The following DCC variants were observed in gnomAD, a reference collection of about 807,000 sequenced individuals.
DCC encodes netrin receptor DCC.
Under a neutral mutation model 172.5 loss-of-function variants are expected in DCC, and 58 were observed. That is an observed-to-expected ratio of 0.34 (90% CI 0.27 to 0.42). DCC has a LOEUF of 0.42. Ranked by LOEUF, DCC falls within the 10% of genes least tolerant of loss-of-function variation. The pLI is 1.00. For synonymous variants in DCC, 709 were observed against 644.5 expected, an observed-to-expected ratio of 1.10 and a Z score of -1.52; for missense variants, 1,740 against 1,791.0, an observed-to-expected ratio of 0.97 and a Z score of 0.51.
chr18:53,380,744 T>C (rs1457630274), intron 15 of DCC, among the ~76,000 whole-genome samples: 1 of 152,160 alleles, frequency 6.6e-6, no homozygotes, highest in Admixed American at 6.5e-5. Context: ...AGTTACTAAC[T>C]GACGATAGGA....
At chr18:53,084,456 T>C (rs2042850650) in intron 7 of DCC, among the ~76,000 whole-genome samples, 1 of 152,190 alleles carries the variant, frequency 6.6e-6, no homozygotes, top group Admixed American at 6.5e-5. Context: ...ACCTATACTT[T>C]TTTATTTTTT....
chr18:52,846,057 G>A (rs2038883191), intron 2 of DCC, among the ~76,000 whole-genome samples: 1 of 152,172 alleles, frequency 6.6e-6, no homozygotes, highest in African/African-American at 2.4e-5. Flanking sequence ...ATGGTAAATG[G>A]CATAGTTAAC....
chr18:53,506,746 T>TACTC (rs2046182459), intron 27 of DCC, among the ~76,000 whole-genome samples: 1 of 151,516 alleles, frequency 6.6e-6, no homozygotes, highest in Non-Finnish European at 1.5e-5. Flanking sequence ...TAATCCCAGA[T>TACTC]ACTCAGGAGG....
chr18:52,767,246 G>C (rs1463136087), intron 2 of DCC, among the ~76,000 whole-genome samples: 1 of 152,050 alleles, frequency 6.6e-6, no homozygotes, highest in Non-Finnish European at 1.5e-5. Context: ...AATACTCAGG[G>C]TTCATGATTT....
At chr18:52,530,536 A>G (rs2144683168) in intron 1 of DCC, among the ~76,000 whole-genome samples, 1 of 152,330 alleles carries the variant, frequency 6.6e-6, no homozygotes, top group South Asian at 2.1e-4. Context: ...TGCACATAAA[A>G]CATACTTAGT....
At chr18:52,585,951 C>CAA (rs1806277277) in intron 1 of DCC, among the ~76,000 whole-genome samples, 4 of 151,762 alleles carry the variant, frequency 2.6e-5, no homozygotes, top group Admixed American at 2.6e-4. Context: ...GGAGTCTTGG[C>CAA]GGGCCCCTGT....
intron 7 of DCC, among the ~76,000 whole-genome samples, chr18:53,078,504 A>T (rs1017465039): frequency 6.6e-6 from 1 of 152,272 alleles, no homozygotes; most frequent in East Asian, 1.9e-4. Flanking sequence ...TTTGCCACAC[A>T]GAATGACAAA....
chr18:53,127,596 G>A (rs1007074200), intron 7 of DCC, among the ~76,000 whole-genome samples: 5 of 152,080 alleles, frequency 3.3e-5, no homozygotes, highest in Admixed American at 6.6e-5. Flanking sequence ...ATTTGGATCT[G>A]TTTATGTTTG....
chr18:52,777,680 GA>G (rs2037458745), intron 2 of DCC, among the ~76,000 whole-genome samples: 2 of 151,850 alleles, frequency 1.3e-5, no homozygotes, highest in South Asian at 4.2e-4. Flanking sequence ...AATAATAAAG[GA>G]ACATTCCAGA....
chr18:53,260,536 A>G (rs140833012), intron 12 of DCC, among the ~76,000 whole-genome samples: 299 of 152,104 alleles, frequency 2.0e-3, no homozygotes, highest in African/African-American at 6.3e-3. Flanking sequence ...TGAACAGCAA[A>G]TGTTGCTGCC....
chr18:52,602,070 T>C (rs1358911397), intron 1 of DCC, among the ~76,000 whole-genome samples: 2 of 152,094 alleles, frequency 1.3e-5, no homozygotes, highest in Admixed American at 1.3e-4. Context: ...GAAATAAGTG[T>C]GTACATGTGA....
intron 1 of DCC, among the ~76,000 whole-genome samples, chr18:52,660,811 T>A (rs72929130): frequency 1.3e-3 from 201 of 152,254 alleles, no homozygotes; most frequent in Non-Finnish European, 2.3e-3. Context: ...ATAAACGTGG[T>A]TCCAACTGAA....
intron 27 of DCC, among the ~76,000 whole-genome samples, chr18:53,500,288 A>ATAAG (rs1477077863): frequency 1.3e-5 from 2 of 151,036 alleles, no homozygotes; most frequent in Non-Finnish European, 2.9e-5. Flanking sequence ...ATGTCAATAG[A>ATAAG]TAAGTAGAGA....
At chr18:52,561,883 C>A (rs1002460769) in intron 1 of DCC, among the ~76,000 whole-genome samples, 2 of 152,146 alleles carry the variant, frequency 1.3e-5, no homozygotes, top group African/African-American at 2.4e-5. Context: ...GAAGCTATTT[C>A]TAAATCAGAG....
intron 1 of DCC, among the ~76,000 whole-genome samples, chr18:52,396,281 A>AAC (rs1568149503): frequency 3.9e-4 from 44 of 114,260 alleles, no homozygotes; most frequent in Non-Finnish European, 5.5e-4. Flanking sequence ...CCTGCACCAC[A>AAC]CCCCCCCCCC....
chr18:52,904,954 AATT>A (rs1374183510), intron 2 of DCC, among the ~76,000 whole-genome samples: 1 of 152,182 alleles, frequency 6.6e-6, no homozygotes, highest in Non-Finnish European at 1.5e-5. Context: ...TCTTTGTAAT[AATT>A]TAAAAAAACA....
chr18:52,966,470 GTATCCCC>G, intron 5 of DCC, among the ~76,000 whole-genome samples: 1 of 152,122 alleles, frequency 6.6e-6, no homozygotes. Flanking sequence ...CTGCTGTGCA[GTATCCCC>G]CAGGAGACTG....
chr18:52,658,086 A>G (rs1413611629), intron 1 of DCC, among the ~76,000 whole-genome samples: 1 of 152,180 alleles, frequency 6.6e-6, no homozygotes, highest in Non-Finnish European at 1.5e-5. Context: ...CTCGCTCACC[A>G]TTGACTTCCT....
chr18:52,652,758 T>G (rs1400135196), intron 1 of DCC, among the ~76,000 whole-genome samples: 1 of 101,316 alleles, frequency 9.9e-6, no homozygotes, highest in African/African-American at 3.9e-5. Context: ...GAGGAGTGGT[T>G]TGATTAGAGG....
Sources: allele counts gnomAD v4.1 joint callset (sites outside exome capture counted in the v4.1 genomes callset), GRCh38; gene constraint gnomAD v4.1.1; transcripts MANE v1.5; gene names NCBI Gene and HGNC (gene_info 2026-07-23, HGNC 2026-07-21).